Variants in CD1B observed in about 807,000 individuals in gnomAD.
The protein encoded by CD1B is T-cell surface glycoprotein CD1b.
CD1B carries 43 observed loss-of-function variants against 39.8 expected under a neutral mutation model. The observed-to-expected ratio is 1.08, with a 90% CI of 0.85 to 1.39. The LOEUF is 1.39. CD1B is among the 40% of genes most tolerant of loss of function. CD1B has a pLI of 0.00. For synonymous variants in CD1B, 192 were observed against 152.5 expected (o/e 1.26, Z -1.91); for missense variants, 495 against 403.8 (o/e 1.23, Z -1.94).
At position 158,329,874 on chromosome 1, in the gene CD1B, T is replaced by A. The variant is rs1329149964; in HGVS notation, c.585A>T (p.Gly195=). Residue 195 remains glycine (G), a synonymous_variant, in exon 3 of 6, where the codon GGA becomes GGT. Transcript: ENST00000368168. The part of the protein sequence containing the change: ...PRYLLGVLNA[G]KADLQRQVKP... ...AACCTTGTCTTTGCAGATCTGCTTTTCCTGCATTGAGGACGCCCAAGAGAT... is the reference window on the plus strand; with the variant it reads ...AACCTTGTCTTTGCAGATCTGCTTTACCTGCATTGAGGACGCCCAAGAGAT... The A allele has an allele frequency of 4.3e-6, 7 of 1,613,832 alleles. No individual in the cohort carries two copies. The highest frequency in any genetic ancestry group is 3.3e-5 in the Admixed American group (2 of 59,986).
chr1:158,300,650 G>T, the CD1B span, among the ~76,000 whole-genome samples: 1 of 152,048 alleles, frequency 6.6e-6, no homozygotes, highest in African/African-American at 2.4e-5. Context: ...CTCATTATAT[G>T]AATCTGGGTG....
At chr1:158,290,120 C>T in the CD1B span, 1 of 1,613,712 alleles carries the variant, frequency 6.2e-7, no homozygotes, top group East Asian at 2.2e-5. Flanking sequence ...GGTGACAATG[C>T]AGACGGTAAG....
the CD1B span, among the ~76,000 whole-genome samples, chr1:158,306,134 G>A: frequency 9.9e-4 from 150 of 152,222 alleles, no homozygotes; most frequent in African/African-American, 3.2e-3. Context: ...GACACATACT[G>A]GCAAATTGGA....
At chr1:158,297,488 T>C in the CD1B span, among the ~76,000 whole-genome samples, 6 of 152,230 alleles carry the variant, frequency 3.9e-5, no homozygotes, top group East Asian at 9.7e-4. Flanking sequence ...ACCACATAAA[T>C]GCACTTAAGT....
At chr1:158,316,608 G>A in the CD1B span, among the ~76,000 whole-genome samples, 4 of 151,230 alleles carry the variant, frequency 2.6e-5, no homozygotes, top group Admixed American at 6.6e-5. Context: ...TGCAAACAGG[G>A]ACAATTTGAC....
At position 158,328,982 on chromosome 1, in the gene CD1B, C is replaced by G; in HGVS notation, c.919G>C (p.Ala307Pro). 1 of 1,613,756 alleles carries G rather than the reference C, an allele frequency of 6.2e-7. No homozygotes were observed. The highest frequency in any genetic ancestry group is 8.5e-7 in the Non-Finnish European group (1 of 1,179,908). ...NPTSIGSIVLAIIVPSLLLLL... is the reference protein window; with the variant it reads ...NPTSIGSIVLPIIVPSLLLLL... ...AGGAGCAAGGAAGGCACTATTATTG[C>G]CAAAACAATTGAGCCAATGGAGGTG... Residue 307 changes from alanine (A) to proline (P), a missense_variant, in exon 5 of 6, where the codon GCA becomes CCA. By Grantham distance (27) the Ala-to-Pro change is conservative (BLOSUM62 -1). Coordinates refer to ENST00000368168, the MANE Select transcript of CD1B (RefSeq NM_001764.3).
At chr1:158,331,163 G>T in intron 1 of CD1B, 101 bp from the exon 2 acceptor site, 1 of 1,294,526 alleles carries the variant, frequency 7.7e-7, no homozygotes, top group Non-Finnish European at 1.1e-6. Flanking sequence ...AGAACCTAGA[G>T]TCTAAAGAAC....
chr1:158,317,382 T>G, the CD1B span, among the ~76,000 whole-genome samples: 6 of 152,340 alleles, frequency 3.9e-5, no homozygotes, highest in South Asian at 1.2e-3. Context: ...CTTCCTGGTT[T>G]AGTCTTGGGA....
the CD1B span, among the ~76,000 whole-genome samples, chr1:158,314,618 G>A: frequency 6.6e-6 from 1 of 151,566 alleles, no homozygotes; most frequent in South Asian, 2.1e-4. Flanking sequence ...AAATGCTTTT[G>A]CTGTATTCCA....
the CD1B span, among the ~76,000 whole-genome samples, chr1:158,302,048 G>T: frequency 2.6e-5 from 4 of 151,908 alleles, no homozygotes; most frequent in Admixed American, 6.6e-5. Flanking sequence ...GGGGGAAGTC[G>T]CAATTTTCAA....
At chr1:158,311,154 GT>G in the CD1B span, among the ~76,000 whole-genome samples, 1 of 151,986 alleles carries the variant, frequency 6.6e-6, no homozygotes, top group Non-Finnish European at 1.5e-5. Flanking sequence ...ATCTATTTTT[GT>G]TTGTTTTGTT....
At chr1:158,296,171 A>AC in the CD1B span, among the ~76,000 whole-genome samples, 313 of 149,730 alleles carry the variant, frequency 2.1e-3, 3 homozygotes, top group African/African-American at 6.9e-3. Context: ...CTTTTCTGGG[A>AC]CCCCCCCACC....
chr1:158,293,302 G>T, the CD1B span: 1 of 1,612,810 alleles, frequency 6.2e-7, no homozygotes, highest in Non-Finnish European at 8.5e-7. Flanking sequence ...AAGAAGCACT[G>T]GTGAGTTTTT....
chr1:158,289,739 G>A, the CD1B span: 4 of 221,468 alleles, frequency 1.8e-5, no homozygotes, highest in Admixed American at 5.5e-5. Flanking sequence ...GCAAAATCCA[G>A]AGGGACAAAA....
the CD1B span, chr1:158,292,771 G>T: frequency 1.9e-6 from 3 of 1,614,184 alleles, no homozygotes; most frequent in Admixed American, 1.7e-5. Flanking sequence ...ATGGGACATG[G>T]TATCTTCAGG....
chr1:158,314,870 T>G, the CD1B span, among the ~76,000 whole-genome samples: 1 of 145,948 alleles, frequency 6.9e-6, no homozygotes, highest in Non-Finnish European at 1.5e-5. Flanking sequence ...TGTGATCTCT[T>G]TGTTCAATTC....
At chr1:158,317,090 G>A in the CD1B span, among the ~76,000 whole-genome samples, 1 of 151,984 alleles carries the variant, frequency 6.6e-6, no homozygotes, top group Non-Finnish European at 1.5e-5. Context: ...TTGCATCAAT[G>A]TTCATCAAGG....
rs546482543 is a variant in CD1B, at chr1:158,331,324, C to T, written c.61+39G>A. On this transcript the variant is annotated intron_variant, in intron 1 of 5. Transcript: ENST00000368168. ...CCTGCTTGCTTTTTAAAATCCAAAC[C>T]CCTGCACCAGTGCTGGGAGCTGCCA... 4.8e-5 allele frequency: 77 copies of T among 1,587,808 alleles called. No homozygotes were observed. The South Asian group carries it at 7.5e-4, about 15-fold the overall frequency.
the CD1B span, chr1:158,290,240 TC>T: frequency 1.1e-6 from 1 of 878,236 alleles, no homozygotes. Flanking sequence ...CATACCTGTC[TC>T]CAGGTCCAGT....
Sources: allele counts gnomAD v4.1 joint callset (sites outside exome capture counted in the v4.1 genomes callset), GRCh38; gene constraint gnomAD v4.1.1; transcripts MANE v1.5; gene names NCBI Gene and HGNC (gene_info 2026-07-23, HGNC 2026-07-21).